TPRG1: variants seen among roughly 807,000 people sequenced by gnomAD.
TPRG1 encodes the protein tumor protein p63 regulated 1, also known as tumor protein p63-regulated gene 1 protein.
A neutral mutation model predicts 29.3 loss-of-function variants in TPRG1; 29 were observed. The observed-to-expected ratio is 0.99, with a 90% CI of 0.74 to 1.35. The LOEUF (loss-of-function observed/expected upper bound fraction) is 1.35, where lower values mean the gene tolerates loss of function less well. TPRG1 is among the 40% of genes most tolerant of loss of function. TPRG1 has a pLI of 0.00. For missense variants in TPRG1, 327 were observed against 335.0 expected (o/e 0.98, Z 0.19); for synonymous variants, 130 against 116.8 (o/e 1.11, Z -0.73).
chr3:189,164,845 C>T (rs1727953608), intron 5 of TPRG1, among the ~76,000 whole-genome samples: 1 of 152,108 alleles, frequency 6.6e-6, no homozygotes, highest in Non-Finnish European at 1.5e-5. Flanking sequence ...GCTCCCATGT[C>T]CCCCTGGGGT....
chr3:189,022,916 A>G (rs1026395251), intron 3 of TPRG1, among the ~76,000 whole-genome samples: 5 of 152,126 alleles, frequency 3.3e-5, no homozygotes, highest in Admixed American at 1.3e-4. Context: ...CAGGTGCCGG[A>G]TATAATCTCA....
chr3:189,173,391 G>A (rs1280636032), intron 1 of TPRG1, among the ~76,000 whole-genome samples: 1 of 148,122 alleles, frequency 6.8e-6, no homozygotes, highest in African/African-American at 2.5e-5. Context: ...CCAGGCTGGA[G>A]GGTAGTGGCG....
chr3:189,072,338 G>A (rs1326204136), intron 4 of TPRG1, among the ~76,000 whole-genome samples: 2 of 152,000 alleles, frequency 1.3e-5, no homozygotes, highest in Non-Finnish European at 2.9e-5. Context: ...TAGGTGTCAT[G>A]TTTCTTTACT....
At chr3:189,237,752 A>T (rs1335251296) in intron 3 of TPRG1, among the ~76,000 whole-genome samples, 2 of 152,190 alleles carry the variant, frequency 1.3e-5, no homozygotes, top group Non-Finnish European at 2.9e-5. Context: ...TGTGTGGAGA[A>T]TGGTGAGAAT....
chr3:189,027,911 G>A (rs1057157914), intron 4 of TPRG1, among the ~76,000 whole-genome samples: 4 of 152,052 alleles, frequency 2.6e-5, no homozygotes, highest in African/African-American at 9.7e-5. Flanking sequence ...ACCGATTCCT[G>A]AGAACTGACG....
intron 4 of TPRG1, among the ~76,000 whole-genome samples, chr3:189,255,388 G>A (rs920628387): frequency 2.0e-5 from 3 of 152,132 alleles, no homozygotes; most frequent in African/African-American, 7.2e-5. Flanking sequence ...TGATCATGGT[G>A]GATAATCTTT....
At chr3:189,312,137 C>CTTTG (rs1491175941) in intron 5 of TPRG1, among the ~76,000 whole-genome samples, 3 of 33,484 alleles carry the variant, frequency 9.0e-5, no homozygotes, top group Admixed American at 3.2e-4. Context: ...TTCTTTCTTT[C>CTTTG]TTTCTTTCTT....
At chr3:189,051,291 G>T (rs948884432) in intron 4 of TPRG1, among the ~76,000 whole-genome samples, 1 of 152,072 alleles carries the variant, frequency 6.6e-6, no homozygotes, top group African/African-American at 2.4e-5. Flanking sequence ...TACACCAACA[G>T]CGACCAAGCA....
At chr3:189,099,832 C>T (rs1444120217), upstream of TPRG1, among the ~76,000 whole-genome samples, 2 of 152,170 alleles carry the variant, frequency 1.3e-5, no homozygotes, top group Admixed American at 1.3e-4. Flanking sequence ...CTTGTTTACA[C>T]ATGTTGAGTT....
rs151259259 is a variant in TPRG1 at position 189,221,109 on chromosome 3, A to C, written c.302+5726A>C. Among the ~76,000 whole-genome samples the C allele has an allele frequency of 4.9e-3, 754 of 152,338 alleles. 3 individuals are homozygous for C. The highest frequency in any genetic ancestry group is 8.3e-3 in the Non-Finnish European group (567 of 68,038). ...AGTAAGAAATATGTATCAGTGGGGCAGAGTAAGACTTTATGATTGGAAAGA... is the reference window on the plus strand; with the variant it reads ...AGTAAGAAATATGTATCAGTGGGGCCGAGTAAGACTTTATGATTGGAAAGA... On this transcript the variant is annotated intron_variant, in intron 3 of 5. Transcript: ENST00000345063.
intron 5 of TPRG1, among the ~76,000 whole-genome samples, chr3:189,162,274 T>C (rs1464487780): frequency 6.6e-6 from 1 of 152,136 alleles, no homozygotes; most frequent in African/African-American, 2.4e-5. Context: ...ATTACAGGCA[T>C]GAGCCATCGC....
chr3:189,159,432 G>A (rs1029625022), intron 5 of TPRG1, among the ~76,000 whole-genome samples: 4 of 152,032 alleles, frequency 2.6e-5, no homozygotes, highest in African/African-American at 4.8e-5. Flanking sequence ...TAATAGAGAC[G>A]GAGAATTGAG....
chr3:189,147,565 T>A (rs1445664722), intron 3 of TPRG1: 1 of 152,262 alleles, frequency 6.6e-6, no homozygotes, highest in East Asian at 1.9e-4. Context: ...TGTTTCTTTT[T>A]GTTTTTCCTT....
chr3:189,195,184 G>T (rs1229006332), intron 1 of TPRG1, among the ~76,000 whole-genome samples: 2 of 152,058 alleles, frequency 1.3e-5, no homozygotes, highest in African/African-American at 2.4e-5. Context: ...TGGGATGCAG[G>T]TTGCTGCTTC....
At chr3:189,054,046 CTT>C (rs1259589513) in intron 4 of TPRG1, among the ~76,000 whole-genome samples, 1 of 152,094 alleles carries the variant, frequency 6.6e-6, no homozygotes, top group African/African-American at 2.4e-5. Flanking sequence ...AGCTTTCAGT[CTT>C]TTTTGTTGTT....
At chr3:189,185,883 C>T (rs1467413706) in intron 1 of TPRG1, among the ~76,000 whole-genome samples, 1 of 152,058 alleles carries the variant, frequency 6.6e-6, no homozygotes, top group Non-Finnish European at 1.5e-5. Context: ...TACTTTTTCA[C>T]AAAGCATTAT....
chr3:189,180,404 A>G (rs978803815), intron 1 of TPRG1, among the ~76,000 whole-genome samples: 7 of 152,212 alleles, frequency 4.6e-5, no homozygotes, highest in Admixed American at 3.3e-4. Flanking sequence ...TGAGCCTGTA[A>G]AATCACAAGC....
intron 4 of TPRG1, among the ~76,000 whole-genome samples, chr3:189,252,994 TCAGTAAATCC>T (rs1742525700): frequency 6.6e-6 from 1 of 152,306 alleles, no homozygotes; most frequent in East Asian, 1.9e-4. Flanking sequence ...CAGGTACATC[TCAGTAAATCC>T]CAGTTTTTGA....
At chr3:189,197,732 A>T (rs543425006) in intron 1 of TPRG1, among the ~76,000 whole-genome samples, 1 of 152,364 alleles carries the variant, frequency 6.6e-6, no homozygotes, top group Non-Finnish European at 1.5e-5. Flanking sequence ...GGGAGAACCC[A>T]AGAGATCTGG....
Sources: gnomAD v4.1 joint callset for allele counts (sites outside exome capture counted in the v4.1 genomes callset) on GRCh38, gnomAD v4.1.1 for gene constraint, MANE v1.5 for transcripts, NCBI Gene and HGNC (gene_info 2026-07-23, HGNC 2026-07-21) for gene names.